The following SH3BGRL2 variants were observed in gnomAD, a reference collection of about 807,000 sequenced individuals.
The protein encoded by SH3BGRL2 is SH3 domain-binding glutamic acid-rich-like protein 2.
SH3BGRL2 carries 21 observed loss-of-function variants against 14.8 expected under a neutral mutation model. The observed-to-expected ratio is 1.42, with a 90% CI of 1.01 to 2.05. The LOEUF is 2.05. SH3BGRL2 is among the 30% of genes most tolerant of loss of function. SH3BGRL2 has a pLI of 0.00. For missense variants in SH3BGRL2, 147 were observed against 130.8 expected, an observed-to-expected ratio of 1.12 and a Z score of -0.61; for synonymous variants, 50 against 47.8, an observed-to-expected ratio of 1.05 and a Z score of -0.19.
chr6:79,576,538 T>C, the SH3BGRL2 span, among the ~76,000 whole-genome samples: 1 of 152,324 alleles, frequency 6.6e-6, no homozygotes, highest in South Asian at 2.1e-4. Flanking sequence ...GTCTAATCAA[T>C]AGTTTATTTT....
At chr6:79,568,606 A>C in the SH3BGRL2 span, among the ~76,000 whole-genome samples, 4 of 152,206 alleles carry the variant, frequency 2.6e-5, no homozygotes, top group East Asian at 7.7e-4. Flanking sequence ...CCCATAGCTC[A>C]AGATAATGAT....
the SH3BGRL2 span, among the ~76,000 whole-genome samples, chr6:79,619,640 A>T: frequency 6.6e-6 from 1 of 152,188 alleles, no homozygotes; most frequent in Non-Finnish European, 1.5e-5. Context: ...TTGCCTTTGC[A>T]GGAGATGAAG....
At chr6:79,558,990 A>G in the SH3BGRL2 span, among the ~76,000 whole-genome samples, 3 of 152,294 alleles carry the variant, frequency 2.0e-5, no homozygotes, top group Non-Finnish European at 2.9e-5. Flanking sequence ...GCTGAGGGGA[A>G]CTCCCACTGG....
chr6:79,694,311 C>T (rs78300150), intron 2 of SH3BGRL2, among the ~76,000 whole-genome samples: 1,838 of 152,264 alleles, frequency 0.012, 30 homozygotes, highest in Middle Eastern at 0.054. Flanking sequence ...CCTCTTACCA[C>T]GTTCAGTATA....
At chr6:79,664,272 G>A (rs1370057377) in intron 1 of SH3BGRL2, among the ~76,000 whole-genome samples, 1 of 152,202 alleles carries the variant, frequency 6.6e-6, no homozygotes, top group African/African-American at 2.4e-5. Flanking sequence ...TCTGCAGACT[G>A]GAGCTGTTCC....
At chr6:79,615,832 C>T in the SH3BGRL2 span, among the ~76,000 whole-genome samples, 343 of 108,866 alleles carry the variant, frequency 3.2e-3, no homozygotes, top group Middle Eastern at 7.0e-3. Flanking sequence ...TTTTTTCTTT[C>T]TTTTTTTTTT....
chr6:79,630,415 TGA>T (rs67051291), upstream of SH3BGRL2, among the ~76,000 whole-genome samples: 2,575 of 152,276 alleles, frequency 0.017, 78 homozygotes, highest in African/African-American at 0.058. Context: ...TCGACAAAAC[TGA>T]GAGAGAGGCT....
intron 2 of SH3BGRL2, among the ~76,000 whole-genome samples, chr6:79,692,997 T>A (rs895412090): frequency 6.6e-6 from 1 of 152,180 alleles, no homozygotes; most frequent in East Asian, 1.9e-4. Flanking sequence ...GAGCATGGAA[T>A]GTTCTTCCAT....
chr6:79,644,995 A>G (rs1489664814), intron 1 of SH3BGRL2, among the ~76,000 whole-genome samples: 1 of 152,032 alleles, frequency 6.6e-6, no homozygotes, highest in African/African-American at 2.4e-5. Flanking sequence ...CCCTGTCTCT[A>G]CTAAAAATGC....
rs1018311536 is a variant in SH3BGRL2 at position 79,700,124 on chromosome 6, A to G, written c.*615A>G. The G allele has an allele frequency of 6.6e-6, 1 of 152,260 alleles. No homozygotes were observed. Among genetic ancestry groups the G allele is most frequent in the Non-Finnish European group, 1.5e-5 (1 of 68,058 alleles). 9.4% of individuals were successfully genotyped at this position (152,260 alleles called of 1,614,324 possible). A position where few individuals can be genotyped will look rare whatever the true frequency, so the allele number is the denominator to read the frequency against. On this transcript the variant is annotated 3_prime_UTR_variant, in exon 4 of 4. Transcript: ENST00000369838. The stretch of plus-strand genomic sequence containing the variant: ...CATATTATCCTACAGATGTTTCCAG[A>G]AATCCCTGTTGTAACATCAAGTGAT...
At chr6:79,609,482 A>T in the SH3BGRL2 span, among the ~76,000 whole-genome samples, 1 of 151,926 alleles carries the variant, frequency 6.6e-6, no homozygotes, top group Non-Finnish European at 1.5e-5. Context: ...GGACTCTCTC[A>T]ATTAGAGAAG....
chr6:79,560,770 A>G, the SH3BGRL2 span, among the ~76,000 whole-genome samples: 1 of 152,070 alleles, frequency 6.6e-6, no homozygotes, highest in Non-Finnish European at 1.5e-5. Flanking sequence ...ACTGTCCAAT[A>G]GAAATTGAAT....
At chr6:79,695,419 A>G (rs771944264) in intron 2 of SH3BGRL2, among the ~76,000 whole-genome samples, 8 of 152,242 alleles carry the variant, frequency 5.3e-5, no homozygotes, top group Non-Finnish European at 7.3e-5. Context: ...CATGCGTTGC[A>G]GGAAGCGAAT....
At chr6:79,627,623 T>C (rs1768758530), upstream of SH3BGRL2, among the ~76,000 whole-genome samples, 1 of 152,190 alleles carries the variant, frequency 6.6e-6, no homozygotes, top group Non-Finnish European at 1.5e-5. Context: ...ATTTTGAAAC[T>C]TAAAATTCTT....
chr6:79,609,677 A>C, the SH3BGRL2 span, among the ~76,000 whole-genome samples: 18 of 152,328 alleles, frequency 1.2e-4, no homozygotes, highest in African/African-American at 3.6e-4. Flanking sequence ...CACAGTAGAT[A>C]CAATAGCCAT....
At chr6:79,549,284 T>C in the SH3BGRL2 span, among the ~76,000 whole-genome samples, 1 of 152,058 alleles carries the variant, frequency 6.6e-6, no homozygotes, top group Admixed American at 6.6e-5. Flanking sequence ...CAAAATTTCA[T>C]AGGTAAGAGG....
At chr6:79,547,170 AGGATAAGAACC>A in the SH3BGRL2 span, among the ~76,000 whole-genome samples, 2 of 152,134 alleles carry the variant, frequency 1.3e-5, no homozygotes, top group Admixed American at 1.3e-4. Flanking sequence ...GCCTGAGAAG[AGGATAAGAACC>A]AGACTGTCCA....
chr6:79,604,146 C>T, the SH3BGRL2 span, among the ~76,000 whole-genome samples: 1 of 152,250 alleles, frequency 6.6e-6, no homozygotes, highest in Non-Finnish European at 1.5e-5. Context: ...TGTTAGGGTC[C>T]CCTGAAAGCC....
At chr6:79,591,034 C>A in the SH3BGRL2 span, among the ~76,000 whole-genome samples, 3 of 152,114 alleles carry the variant, frequency 2.0e-5, no homozygotes, top group Non-Finnish European at 2.9e-5. Flanking sequence ...ACTCTACTTA[C>A]AGATTAATTT....
Sources: allele counts gnomAD v4.1 joint callset (sites outside exome capture counted in the v4.1 genomes callset), GRCh38; gene constraint gnomAD v4.1.1; transcripts MANE v1.5; gene names NCBI Gene and HGNC (gene_info 2026-07-23, HGNC 2026-07-21).